Variants in PRKG1 observed in about 807,000 individuals in gnomAD.
The protein encoded by PRKG1 is protein kinase cGMP-dependent 1, also known as cGMP-dependent protein kinase 1.
In PRKG1, 35 loss-of-function variants were observed where a neutral mutation model predicts 88.1. The observed-to-expected ratio is 0.40, with a 90% CI of 0.30 to 0.53. The LOEUF (loss-of-function observed/expected upper bound fraction) is 0.53. Among genes scored for constraint, PRKG1 ranks in the 20% least tolerant of loss-of-function variants. The pLI, the probability that PRKG1 is intolerant of heterozygous loss-of-function variation, is 0.59. For missense variants in PRKG1, 540 were observed against 839.8 expected, an observed-to-expected ratio of 0.64 and a Z score of 4.41; for synonymous variants, 303 against 292.5, an observed-to-expected ratio of 1.04 and a Z score of -0.37.
At chr10:52,156,682 T>C (rs954162331) in intron 8 of PRKG1, among the ~76,000 whole-genome samples, 1 of 151,632 alleles carries the variant, frequency 6.6e-6, no homozygotes, top group Non-Finnish European at 1.5e-5. Context: ...ATAAATAAAA[T>C]AAACAAAAAA....
intron 3 of PRKG1, chr10:51,699,598 C>T: frequency 6.5e-7 from 1 of 1,546,668 alleles, no homozygotes; most frequent in Non-Finnish European, 8.7e-7. Flanking sequence ...AGGCGTCTGT[C>T]CTCTTGCGAC....
intron 1 of PRKG1, among the ~76,000 whole-genome samples, chr10:51,051,299 A>G (rs1843557400): frequency 6.6e-6 from 1 of 152,202 alleles, no homozygotes; most frequent in South Asian, 2.1e-4. Context: ...TTCATGTTTT[A>G]CATTTAAGCC....
chr10:51,113,186 A>G (rs1041951496), intron 1 of PRKG1, among the ~76,000 whole-genome samples: 4 of 152,202 alleles, frequency 2.6e-5, no homozygotes, highest in African/African-American at 9.7e-5. Context: ...AGACATGGAT[A>G]CTGATTCAGT....
intron 2 of PRKG1, among the ~76,000 whole-genome samples, chr10:51,157,442 A>T (rs1444288644): frequency 6.6e-6 from 1 of 151,930 alleles, no homozygotes; most frequent in Non-Finnish European, 1.5e-5. Flanking sequence ...AAACAGATAG[A>T]CTTTGGCCTT....
intron 7 of PRKG1, among the ~76,000 whole-genome samples, chr10:52,080,259 GCTCATCC>G (rs1846738178): frequency 1.3e-5 from 2 of 151,996 alleles, no homozygotes; most frequent in African/African-American, 2.4e-5. Flanking sequence ...ATAAGGTCCT[GCTCATCC>G]TTCTTGATTT....
Position 51,153,761 on chromosome 10 carries a change from GA to G in PRKG1, c.478+435del, listed in dbSNP as rs533396881. 4.6e-5 allele frequency among the ~76,000 whole-genome samples: 7 copies of G among 151,998 alleles called. No individual in the cohort carries two copies. In the South Asian group the frequency reaches 1.5e-3, roughly 32 times the overall value. On this transcript the variant is annotated intron_variant, in intron 2 of 17. Coordinates refer to ENST00000373980, the MANE Select transcript of PRKG1 (RefSeq NM_006258.4). Reference sequence around the variant, plus strand: ...TCCTGCTATGAAGCTTCTGTAAAAAGAAAATGTTTTTCATGTGTATGACAGA... The same window carrying G: ...TCCTGCTATGAAGCTTCTGTAAAAAGAAATGTTTTTCATGTGTATGACAGA...
intron 1 of PRKG1, among the ~76,000 whole-genome samples, chr10:51,110,195 C>A (rs1844950003): frequency 6.6e-6 from 1 of 151,934 alleles, no homozygotes; most frequent in Admixed American, 6.6e-5. Context: ...CCGATTCCAC[C>A]CCTGTGTATT....
At chr10:51,893,461 G>A (rs1841770837) in intron 4 of PRKG1, among the ~76,000 whole-genome samples, 1 of 152,080 alleles carries the variant, frequency 6.6e-6, no homozygotes, top group South Asian at 2.1e-4. Context: ...GAGTGAATGG[G>A]CTGAATTTCA....
rs1487995514 is a variant in PRKG1 at position 52,296,166 on chromosome 10, G to A, written c.*2266G>A. On this transcript the variant is annotated 3_prime_UTR_variant, in exon 18 of 18. Coordinates refer to ENST00000373980, the MANE Select transcript of PRKG1 (RefSeq NM_006258.4). ...AATACTAAATTTACCTTGTTATTTGGAAAGAGAATCTGCTCCTATAACGTT... is the reference window on the plus strand; with the variant it reads ...AATACTAAATTTACCTTGTTATTTGAAAAGAGAATCTGCTCCTATAACGTT... The A allele has an allele frequency of 6.6e-6, 1 of 152,004 alleles. No homozygotes were observed. Among genetic ancestry groups the A allele is most frequent in the African/African-American group, 2.4e-5 (1 of 41,434 alleles). 9.4% of individuals were successfully genotyped at this position (152,004 alleles called of 1,614,324 possible).
At chr10:51,995,622 C>T (rs904464264) in intron 5 of PRKG1, among the ~76,000 whole-genome samples, 4 of 151,826 alleles carry the variant, frequency 2.6e-5, no homozygotes, top group African/African-American at 7.3e-5. Flanking sequence ...AACACATTAC[C>T]TACATAAAGG....
chr10:51,900,447 A>G (rs773061652), intron 4 of PRKG1, among the ~76,000 whole-genome samples: 34 of 152,194 alleles, frequency 2.2e-4, no homozygotes, highest in Non-Finnish European at 4.1e-4. Context: ...ATTTGAATGA[A>G]TCATTTACCA....
chr10:51,966,966 G>A (rs368096886), intron 5 of PRKG1, among the ~76,000 whole-genome samples: 3 of 152,166 alleles, frequency 2.0e-5, no homozygotes, highest in Admixed American at 6.5e-5. Context: ...TTGGTGGGAC[G>A]GTAAACTAGT....
intron 3 of PRKG1, among the ~76,000 whole-genome samples, chr10:51,729,922 C>G (rs903250737): frequency 2.0e-5 from 3 of 152,018 alleles, no homozygotes; most frequent in Non-Finnish European, 4.4e-5. Context: ...TTTTCATGTA[C>G]TCCCTGCTCC....
Position 51,126,089 on chromosome 10 carries a change from TATA to T in PRKG1, c.312-27068_312-27066del, listed in dbSNP as rs1331008365. On this transcript the variant is annotated intron_variant, in intron 1 of 17. Transcript: ENST00000373980. The stretch of plus-strand genomic sequence containing the variant: ...TATACTACATATAATTATATAATTA[TATA>T]ATAATATACTATATATAATTATATA... Among the ~76,000 whole-genome samples, 9 of 117,900 alleles carry T rather than the reference TATA, an allele frequency of 7.6e-5. No homozygotes were observed. The East Asian group carries it at 9.8e-4, about 13-fold the overall frequency. 77.3% of individuals were successfully genotyped at this position (117,900 alleles called of 152,430 possible). A position where few individuals can be genotyped will look rare whatever the true frequency, so the allele number is the denominator to read the frequency against.
chr10:51,516,353 A>T lies in PRKG1; in HGVS notation c.592+48517A>T, dbSNP rs74828747. Among the ~76,000 whole-genome samples the T allele has an allele frequency of 1.8e-3, 272 of 152,052 alleles. 7 individuals are homozygous for T. The East Asian group carries it at 0.048, about 27-fold the overall frequency. The stretch of plus-strand genomic sequence containing the variant: ...TCTAGCCATTTCTCCTCTCTACTGA[A>T]CCTGCAGTCTTTATAGGCACAGGAT... On this transcript the variant is annotated intron_variant, in intron 3 of 17. Coordinates refer to ENST00000373980, the MANE Select transcript of PRKG1 (RefSeq NM_006258.4).
chr10:51,225,372 C>T (rs920425605), intron 2 of PRKG1, among the ~76,000 whole-genome samples: 2 of 152,130 alleles, frequency 1.3e-5, no homozygotes, highest in Non-Finnish European at 2.9e-5. Context: ...GTTAGGATTC[C>T]AGCATATGCA....
At chr10:52,234,390 C>A (rs552055211) in intron 9 of PRKG1, among the ~76,000 whole-genome samples, 1 of 152,088 alleles carries the variant, frequency 6.6e-6, no homozygotes, top group Non-Finnish European at 1.5e-5. Flanking sequence ...ACATTCAAAC[C>A]AAAGGCAAAG....
chr10:52,056,205 T>C (rs1242524641), intron 6 of PRKG1, among the ~76,000 whole-genome samples: 1 of 152,120 alleles, frequency 6.6e-6, no homozygotes, highest in Non-Finnish European at 1.5e-5. Flanking sequence ...ATAAGATAGA[T>C]TGTTAGAGCT....
intron 3 of PRKG1, among the ~76,000 whole-genome samples, chr10:51,716,052 A>G (rs1589227369): frequency 6.6e-6 from 1 of 152,274 alleles, no homozygotes; most frequent in East Asian, 1.9e-4. Context: ...TAATGGTTCC[A>G]TATTCTTTGC....
Sources: gnomAD v4.1 joint callset for allele counts (sites outside exome capture counted in the v4.1 genomes callset) on GRCh38, gnomAD v4.1.1 for gene constraint, MANE v1.5 for transcripts, NCBI Gene and HGNC (gene_info 2026-07-23, HGNC 2026-07-21) for gene names.